ADAM12: variants seen among roughly 807,000 people sequenced by gnomAD.
The protein encoded by ADAM12 is disintegrin and metalloproteinase domain-containing protein 12.
Under a neutral mutation model 106.4 loss-of-function variants are expected in ADAM12, and 70 were observed. That is an observed-to-expected ratio of 0.66 (90% CI 0.54 to 0.80). The LOEUF (loss-of-function observed/expected upper bound fraction) is 0.80. Ranked by LOEUF, ADAM12 falls within the 30% of genes least tolerant of loss-of-function variation. ADAM12 has a pLI of 0.00. For missense variants in ADAM12, 1,010 were observed against 1,171.9 expected (o/e 0.86, Z 2.02); for synonymous variants, 420 against 433.5 (o/e 0.97, Z 0.39).
intron 3 of ADAM12, among the ~76,000 whole-genome samples, chr10:126,207,209 G>A (rs1386394182): frequency 1.3e-5 from 2 of 152,186 alleles, no homozygotes. Flanking sequence ...TGAGATCACA[G>A]ATGAGAAAGC....
chr10:126,042,030 T>C (rs1325929147), intron 18 of ADAM12: 11 of 1,486,162 alleles, frequency 7.4e-6, no homozygotes, highest in Non-Finnish European at 9.8e-6. Context: ...ATGGAAACGA[T>C]GGCAAAGCCA....
At position 126,051,588 on chromosome 10, in the gene ADAM12, T is replaced by TCCATCCAG. The variant is rs1281562847; in HGVS notation, c.1610-1920_1610-1919insCTGGATGG. Among the ~76,000 whole-genome samples, 465 of 124,332 alleles carry TCCATCCAG rather than the reference T, an allele frequency of 3.7e-3. 4 individuals carry two copies. The highest frequency in any genetic ancestry group is 9.1e-3 in the Middle Eastern group (2 of 220). The allele number at this position is 124,332 out of a possible 152,430, so 81.6% of individuals were successfully genotyped here. A position where few individuals can be genotyped will look rare whatever the true frequency, so the allele number is the denominator to read the frequency against. On this transcript the variant is annotated intron_variant, in intron 14 of 22. Transcript: ENST00000448723. ...ATCCATCCATCCATCCATCCATCCA[T>TCCATCCAG]CCAGCCAGCCAGCCACCTGTCCATC... is the stretch of plus-strand genomic sequence containing the variant.
At chr10:126,259,304 T>C (rs551806045) in intron 3 of ADAM12, among the ~76,000 whole-genome samples, 1 of 152,250 alleles carries the variant, frequency 6.6e-6, no homozygotes, top group East Asian at 1.9e-4. Context: ...GCAAATGTGA[T>C]ACAGACGAAA....
chr10:126,345,056 C>T (rs2133876002), intron 1 of ADAM12, among the ~76,000 whole-genome samples: 1 of 152,272 alleles, frequency 6.6e-6, no homozygotes, highest in Middle Eastern at 3.4e-3. Context: ...ACTTCCAACA[C>T]TATGTTGAAT....
intron 1 of ADAM12, among the ~76,000 whole-genome samples, chr10:126,363,975 C>A (rs56364508): frequency 0.15 from 22,955 of 151,668 alleles, 2,073 homozygotes; most frequent in Middle Eastern, 0.28. Flanking sequence ...AGGATGTGTC[C>A]CAAAAATATA....
At chr10:126,033,737 T>G (rs1315900090) in intron 21 of ADAM12, among the ~76,000 whole-genome samples, 1 of 152,156 alleles carries the variant, frequency 6.6e-6, no homozygotes, top group African/African-American at 2.4e-5. Flanking sequence ...GCCACATCCC[T>G]TCCCTGGAAC....
intron 3 of ADAM12, among the ~76,000 whole-genome samples, chr10:126,178,400 G>A (rs1054518605): frequency 7.0e-6 from 1 of 142,228 alleles, no homozygotes; most frequent in Non-Finnish European, 1.5e-5. Context: ...GTCCTCATTG[G>A]AGGACATCTT....
chr10:126,133,948 C>G (rs1399029584), intron 5 of ADAM12, among the ~76,000 whole-genome samples: 1 of 152,224 alleles, frequency 6.6e-6, no homozygotes, highest in Non-Finnish European at 1.5e-5. Flanking sequence ...TTGTCTTTCT[C>G]CATGATCCTT....
intron 1 of ADAM12, among the ~76,000 whole-genome samples, chr10:126,354,996 G>A (rs1035561774): frequency 2.0e-5 from 3 of 152,040 alleles, no homozygotes; most frequent in Admixed American, 6.6e-5. Flanking sequence ...TATGTCAATT[G>A]TCAAATAGCA....
At chr10:126,368,869 G>C (rs1219452846) in intron 1 of ADAM12, among the ~76,000 whole-genome samples, 1 of 152,060 alleles carries the variant, frequency 6.6e-6, no homozygotes, top group Non-Finnish European at 1.5e-5. Flanking sequence ...CCAAACCCAA[G>C]CAAATGCATA....
chr10:126,237,631 C>T (rs186288708), intron 3 of ADAM12, among the ~76,000 whole-genome samples: 73 of 152,214 alleles, frequency 4.8e-4, no homozygotes, highest in South Asian at 4.2e-3. Context: ...GGCTGTGATC[C>T]TTATTATTTT....
intron 5 of ADAM12, among the ~76,000 whole-genome samples, chr10:126,123,477 A>G (rs1956148305): frequency 6.6e-6 from 1 of 152,178 alleles, no homozygotes; most frequent in Admixed American, 6.5e-5. Flanking sequence ...GAGCGACAGG[A>G]GGAGGCCGGC....
In ADAM12 at chr10:126,237,519, C is replaced by CAA. The variant is rs1404666214; in HGVS notation, c.260+41394_260+41395dup. ...GATATCTTCACTGGAAACACTTCAG[C>CAA]AAAAGTTCTGCTTTCAAAACATTTC... On this transcript the variant is annotated intron_variant, in intron 3 of 22. Coordinates refer to ENST00000448723, the MANE Select transcript of ADAM12 (RefSeq NM_001288973.2). 3.9e-5 allele frequency among the ~76,000 whole-genome samples: 6 copies of CAA among 152,176 alleles called. No individual in the cohort carries two copies. In the East Asian group the frequency reaches 1.2e-3, roughly 29 times the overall value.
chr10:126,056,617 G>T (rs1273903202), intron 14 of ADAM12, among the ~76,000 whole-genome samples: 2 of 104,434 alleles, frequency 1.9e-5, no homozygotes, highest in Non-Finnish European at 4.3e-5. Context: ...TGTTTACAAT[G>T]CTTACTCTTG....
rs1213917515 is a variant in ADAM12 at position 126,158,432 on chromosome 10, C to T, written c.261-3127G>A. Among the ~76,000 whole-genome samples, 28 of 57,504 alleles carry T rather than the reference C, an allele frequency of 4.9e-4. 4 individuals are homozygous for T. Among genetic ancestry groups the T allele is most frequent in the Admixed American group, 1.3e-3 (5 of 3,904 alleles). 37.7% of individuals were successfully genotyped at this position (57,504 alleles called of 152,430 possible). A position where few individuals can be genotyped will look rare whatever the true frequency, so the allele number is the denominator to read the frequency against. ...GCACGGAGAGAGGATGCACAGAGCACGGGGAGGATGCACAGAGCACGGGGA... is the reference window on the plus strand; with the variant it reads ...GCACGGAGAGAGGATGCACAGAGCATGGGGAGGATGCACAGAGCACGGGGA... On this transcript the variant is annotated intron_variant, in intron 3 of 22. Coordinates refer to ENST00000448723, the MANE Select transcript of ADAM12 (RefSeq NM_001288973.2).
chr10:126,080,937 T>C (rs1291900382), intron 11 of ADAM12, among the ~76,000 whole-genome samples: 1 of 152,220 alleles, frequency 6.6e-6, no homozygotes, highest in Non-Finnish European at 1.5e-5. Flanking sequence ...CACTGCTATA[T>C]TCTTGGGGGT....
At chr10:126,160,803 TCAC>T (rs1956918642) in intron 3 of ADAM12, among the ~76,000 whole-genome samples, 1 of 152,218 alleles carries the variant, frequency 6.6e-6, no homozygotes, top group South Asian at 2.1e-4. Context: ...CACACTGTGC[TCAC>T]TTTTCCCTCT....
chr10:126,240,930 A>G (rs4962526), intron 3 of ADAM12, among the ~76,000 whole-genome samples: 52,487 of 152,200 alleles, frequency 0.34, 9,776 homozygotes, highest in African/African-American at 0.49. Flanking sequence ...TTGCTATGGC[A>G]TAGGCCAAAC....
intron 2 of ADAM12, among the ~76,000 whole-genome samples, chr10:126,279,732 AAAC>A (rs201659935): frequency 2.4e-3 from 147 of 60,138 alleles, no homozygotes; most frequent in Non-Finnish European, 3.3e-3. Context: ...CGTCTCAAAA[AAAC>A]AAAAAAAGAA....
Sources: allele counts gnomAD v4.1 joint callset (sites outside exome capture counted in the v4.1 genomes callset), GRCh38; gene constraint gnomAD v4.1.1; transcripts MANE v1.5; gene names NCBI Gene and HGNC (gene_info 2026-07-23, HGNC 2026-07-21).